The following CERS5 variants were observed in gnomAD, a reference collection of about 807,000 sequenced individuals.
The protein encoded by CERS5 is LAG1 homolog, ceramide synthase 5.
CERS5 carries 37 observed loss-of-function variants against 58.9 expected under a neutral mutation model. That is an observed-to-expected ratio of 0.63 (90% confidence interval 0.48 to 0.83). CERS5 has a LOEUF of 0.83. Ranked by LOEUF, CERS5 falls within the 40% of genes least tolerant of loss-of-function variation. The pLI is 0.00. For missense variants in CERS5, 398 were observed against 489.3 expected (o/e 0.81, Z 1.76); for synonymous variants, 147 against 177.8 (o/e 0.83, Z 1.38).
At chr12:50,166,408 T>A (rs1356537782) in intron 1 of CERS5, 1 of 156,530 alleles carries the variant, frequency 6.4e-6, no homozygotes, top group Non-Finnish European at 1.4e-5. Context: ...CTCTCCTCCA[T>A]CCCTTCGAAC....
intron 8 of CERS5, chr12:50,135,359 G>A (rs1007425281): frequency 1.5e-5 from 6 of 406,106 alleles, no homozygotes; most frequent in African/African-American, 1.2e-4. Context: ...GTCAGGGTTG[G>A]GACCAGAGCA....
chr12:50,154,559 A>G (rs141545782), intron 1 of CERS5, among the ~76,000 whole-genome samples: 1 of 152,234 alleles, frequency 6.6e-6, no homozygotes, highest in Non-Finnish European at 1.5e-5. Context: ...GCTGTCTTCT[A>G]TTAAGCCAGA....
In CERS5 at chr12:50,161,784, G is replaced by GAAAAAAAAAAAAAAAAA. The variant is rs374177550; in HGVS notation, c.197+5316_197+5317insTTTTTTTTTTTTTTTTT. ...AGAGTGAGACTCCGTCTCAAAAAAA[G>GAAAAAAAAAAAAAAAAA]AAAAAAAAAAAAAAAAGCAAAGTTC... is the stretch of plus-strand genomic sequence containing the variant. On this transcript the variant is annotated intron_variant, in intron 1 of 9. Coordinates refer to ENST00000317551, the MANE Select transcript of CERS5 (RefSeq NM_147190.5). 9.7e-4 allele frequency among the ~76,000 whole-genome samples: 88 copies of GAAAAAAAAAAAAAAAAA among 90,890 alleles called. 13 individuals are homozygous for GAAAAAAAAAAAAAAAAA. The highest frequency in any genetic ancestry group is 2.7e-3 in the Admixed American group (16 of 5,976). 59.6% of individuals were successfully genotyped at this position (90,890 alleles called of 152,430 possible).
chr12:50,130,537 C>A lies in CERS5; in HGVS notation c.*8G>T, dbSNP rs1293385929. 7 of 1,587,358 alleles carry A rather than the reference C, an allele frequency of 4.4e-6. No homozygotes were observed. The highest frequency in any genetic ancestry group is 3.4e-6 in the Non-Finnish European group (4 of 1,159,842). ...TCCATGTGTGCTGAAGTCCCTATAG[C>A]AACCACCTTACTCTTCAGCCCAGTA... On this transcript the variant is annotated 3_prime_UTR_variant, in exon 10 of 10. Coordinates refer to ENST00000317551, the MANE Select transcript of CERS5 (RefSeq NM_147190.5).
chr12:50,165,065 A>G (rs1389310370), intron 1 of CERS5: 1 of 151,958 alleles, frequency 6.6e-6, no homozygotes, highest in Non-Finnish European at 1.5e-5. Context: ...TTTATTCCAA[A>G]GACAGACAAG....
At chr12:50,166,331 AAAAAAAAAAAAAG>A in intron 1 of CERS5, 1 of 164,338 alleles carries the variant, frequency 6.1e-6, no homozygotes, top group African/African-American at 2.4e-5. Flanking sequence ...CTCAAAAAAA[AAAAAAAAAAAAAG>A]AAAAGAAAAA....
At chr12:50,138,644 A>G in intron 4 of CERS5, 27 bp from the exon 5 acceptor site, 1 of 1,599,112 alleles carries the variant, frequency 6.3e-7, no homozygotes. Flanking sequence ...AATCCATGTC[A>G]GTCCTCAAGA....
intron 1 of CERS5, among the ~76,000 whole-genome samples, chr12:50,149,172 T>G (rs897705301): frequency 6.6e-6 from 1 of 152,046 alleles, no homozygotes; most frequent in Non-Finnish European, 1.5e-5. Flanking sequence ...TGACAAATTA[T>G]ACTTTTAGTG....
At chr12:50,135,216 GGAGA>G (rs1219415027) in intron 8 of CERS5, among the ~76,000 whole-genome samples, 1 of 74,738 alleles carries the variant, frequency 1.3e-5, no homozygotes, top group Non-Finnish European at 2.6e-5. Flanking sequence ...GGAGAGGGAG[GGAGA>G]GAGAGGAGGA....
At chr12:50,141,100 G>C (rs1951949237) in intron 4 of CERS5, among the ~76,000 whole-genome samples, 1 of 152,132 alleles carries the variant, frequency 6.6e-6, no homozygotes, top group South Asian at 2.1e-4. Flanking sequence ...ACCCAGGTTG[G>C]AATGTAGCGG....
chr12:50,158,567 C>T (rs1188568080), intron 1 of CERS5, among the ~76,000 whole-genome samples: 1 of 152,110 alleles, frequency 6.6e-6, no homozygotes, highest in South Asian at 2.1e-4. Flanking sequence ...GGAAGTGTGC[C>T]ACTTGTAAGG....
chr12:50,145,239 CATT>C (rs1252444921), intron 1 of CERS5, among the ~76,000 whole-genome samples: 1 of 150,408 alleles, frequency 6.6e-6, no homozygotes, highest in African/African-American at 2.4e-5. Flanking sequence ...ATGATGTTAT[CATT>C]GATTGATTAT....
chr12:50,140,957 T>C (rs1236220534), intron 4 of CERS5, among the ~76,000 whole-genome samples: 2 of 152,084 alleles, frequency 1.3e-5, no homozygotes, highest in Non-Finnish European at 2.9e-5. Context: ...GCTTTTTGTC[T>C]ATAATATTTT....
At chr12:50,148,618 C>T (rs916854226) in intron 1 of CERS5, 12 of 284,112 alleles carry the variant, frequency 4.2e-5, no homozygotes, top group Middle Eastern at 5.9e-4. Flanking sequence ...ATAAATAGGC[C>T]GGGCGTGGTG....
At chr12:50,142,155 C>G in intron 3 of CERS5, 45 bp from the exon 4 acceptor site, 1 of 1,347,068 alleles carries the variant, frequency 7.4e-7, no homozygotes, top group Non-Finnish European at 1.1e-6. Flanking sequence ...CCACTCAAAC[C>G]AAAGCCTCTG....
intron 6 of CERS5, 75 bp from the exon 7 acceptor site, chr12:50,136,144 T>C: frequency 7.4e-7 from 1 of 1,354,472 alleles, no homozygotes; most frequent in Non-Finnish European, 9.8e-7. Context: ...ACGTCCTGCA[T>C]TATTCTCTAA....
intron 1 of CERS5, among the ~76,000 whole-genome samples, chr12:50,160,608 C>T (rs997081390): frequency 1.3e-5 from 2 of 152,048 alleles, no homozygotes; most frequent in Non-Finnish European, 2.9e-5. Flanking sequence ...ATTATAGTAC[C>T]GTATTTAAAA....
At position 50,143,544 on chromosome 12, in the gene CERS5, C is replaced by T. The variant is rs543246755; in HGVS notation, c.304-340G>A. 6.1e-5 allele frequency: 16 copies of T among 261,922 alleles called. No homozygotes were observed. The East Asian group carries it at 1.1e-3, about 18-fold the overall frequency. 16.2% of individuals were successfully genotyped at this position (261,922 alleles called of 1,614,324 possible). On this transcript the variant is annotated intron_variant, in intron 2 of 9. Coordinates refer to ENST00000317551, the MANE Select transcript of CERS5 (RefSeq NM_147190.5). ...GAAGGATGGCTTGAGCCCAGGAGTC[C>T]GAGACCAGCCTGGGCAACATGGCAA...
At chr12:50,140,284 A>ATTTT (rs57651378) in intron 4 of CERS5, among the ~76,000 whole-genome samples, 16,897 of 95,306 alleles carry the variant, frequency 0.18, 2,023 homozygotes, top group East Asian at 0.43. Flanking sequence ...TAACTTCCAA[A>ATTTT]TTTTTTTTTT....
Sources: allele counts gnomAD v4.1 joint callset (sites outside exome capture counted in the v4.1 genomes callset), GRCh38; gene constraint gnomAD v4.1.1; transcripts MANE v1.5; gene names NCBI Gene and HGNC (gene_info 2026-07-23, HGNC 2026-07-21).